The following ZNF75A variants were observed in gnomAD, a reference collection of about 807,000 sequenced individuals.
ZNF75A encodes the protein zinc finger protein 75A.
In ZNF75A, 36 loss-of-function variants were observed where a neutral mutation model predicts 46.3. The observed-to-expected ratio is 0.78, with a 90% CI of 0.60 to 1.03. The LOEUF is 1.03. Among genes scored for constraint, ZNF75A ranks in the 50% least tolerant of loss-of-function variants. ZNF75A has a pLI of 0.00. For synonymous variants in ZNF75A, 234 were observed against 189.9 expected (o/e 1.23, Z -1.91); for missense variants, 595 against 551.3 (o/e 1.08, Z -0.79).
In ZNF75A at chr16:3,317,000, T is replaced by G; in HGVS notation, c.912T>G (p.Asp304Glu). Residue 304 changes from aspartate (D) to glutamate (E), a missense_variant, in exon 6 of 7, where the codon GAT becomes GAG. Physicochemically the swap from Asp to Glu is conservative, Grantham distance 45. Transcript: ENST00000669516. ...PWVQVSPEFK[D>E]SAGKSPTGLK... ...TTCAAGTATCCCCGGAGTTTAAGGA[T>G]AGTGCCGGAAAATCTCCTACAGGTA... 6.2e-7 allele frequency: 1 copy of G among 1,613,984 alleles called. No homozygotes were observed. Among genetic ancestry groups the G allele is most frequent in the Non-Finnish European group, 8.5e-7 (1 of 1,179,942 alleles).
intron 2 of ZNF75A, among the ~76,000 whole-genome samples, chr16:3,310,095 TA>T (rs1011926721): frequency 2.6e-4 from 38 of 146,396 alleles, no homozygotes; most frequent in Admixed American, 2.0e-4. Context: ...CCTTGTCTCT[TA>T]AAAAAAAAAA....
At chr16:3,307,460 C>T (rs1208973909) in intron 1 of ZNF75A, 3 of 152,186 alleles carry the variant, frequency 2.0e-5, no homozygotes, top group African/African-American at 4.8e-5. Flanking sequence ...CGTCTCAGCT[C>T]TTTTGCCAGT....
downstream of ZNF75A, among the ~76,000 whole-genome samples, chr16:3,320,939 G>A (rs1431512871): frequency 2.0e-5 from 3 of 152,194 alleles, no homozygotes; most frequent in East Asian, 3.9e-4. Flanking sequence ...GAGCAAGACA[G>A]TTCCACCTGT....
In ZNF75A at chr16:3,308,674, C is replaced by A. The variant is rs1268560914; in HGVS notation, c.246C>A (p.His82Gln). 2.0e-5 allele frequency: 20 copies of A among 990,516 alleles called. No individual in the cohort carries two copies. In the African/African-American group the frequency reaches 3.5e-4, roughly 17 times the overall value. The allele number at this position is 990,516 out of a possible 1,614,324, so 61.4% of individuals were successfully genotyped here. A position where few individuals can be genotyped will look rare whatever the true frequency, so the allele number is the denominator to read the frequency against. The change falls in exon 2 of 7, where the codon CAC (histidine) becomes CAA (glutamine). Residue 82 changes from histidine to glutamine, a missense_variant. Transcript: ENST00000669516. ...LCHLWLKPEI[H>Q]SKEQILELLV... ...ATCTATGGCTGAAGCCAGAGATCCA[C>A]TCAAAAGAGCAGATACTGGAACTGC...
downstream of ZNF75A, among the ~76,000 whole-genome samples, chr16:3,319,795 T>A (rs1254608906): frequency 1.4e-4 from 17 of 117,336 alleles, no homozygotes; most frequent in African/African-American, 4.5e-4. Context: ...TTTTTTTTTT[T>A]TATTTTTTTT....
intron 2 of ZNF75A, among the ~76,000 whole-genome samples, chr16:3,311,200 G>A (rs184174751): frequency 9.0e-4 from 135 of 150,452 alleles, no homozygotes; most frequent in African/African-American, 3.4e-3. Context: ...CACTTTGGGA[G>A]GCTGAGGTGG....
At chr16:3,318,908 G>A, downstream of ZNF75A, 7 of 895,796 alleles carry the variant, frequency 7.8e-6, no homozygotes, top group Non-Finnish European at 9.4e-6. Context: ...GTCCTGTCCT[G>A]TAAGCTCTAC....
intron 2 of ZNF75A, 45 bp from the exon 3 acceptor site, chr16:3,311,708 A>G (rs1027115026): frequency 1.8e-5 from 18 of 1,018,802 alleles, no homozygotes; most frequent in Non-Finnish European, 2.1e-5. Flanking sequence ...ACCCCCACAA[A>G]CCAAAAGTAA....
downstream of ZNF75A, chr16:3,322,919 G>C: frequency 2.0e-6 from 2 of 985,332 alleles, no homozygotes; most frequent in South Asian, 9.4e-5. Context: ...CCCTAGGATA[G>C]AAGATTCAAC....
chr16:3,311,267 G>A (rs1960763274), intron 2 of ZNF75A, among the ~76,000 whole-genome samples: 3 of 151,864 alleles, frequency 2.0e-5, no homozygotes, highest in South Asian at 2.1e-4. Flanking sequence ...AAGAAACCCC[G>A]TCTCTACTAA....
downstream of ZNF75A, among the ~76,000 whole-genome samples, chr16:3,322,101 T>TA (rs34184176): frequency 0.05 from 7,587 of 152,230 alleles, 288 homozygotes; most frequent in South Asian, 0.17. Flanking sequence ...AGTGCATAAA[T>TA]ACTTGCTGAA....
At position 3,318,643 on chromosome 16, in the gene ZNF75A, G is replaced by A. The variant is rs894331706; in HGVS notation, c.*774G>A. The A allele has an allele frequency of 1.0e-6, 1 of 985,346 alleles. No homozygotes were observed. Among genetic ancestry groups the A allele is most frequent in the Admixed American group, 6.1e-5 (1 of 16,264 alleles). 61.0% of individuals were successfully genotyped at this position (985,346 alleles called of 1,614,324 possible). The stretch of plus-strand genomic sequence containing the variant: ...ATTAGTACTTGCCCAAGGCCTGAAA[G>A]AGAATTAGTGGGAATTAAGATCAAC... On this transcript the variant is annotated 3_prime_UTR_variant, in exon 7 of 7. Coordinates refer to ENST00000669516, the MANE Select transcript of ZNF75A (RefSeq NM_001302109.2).
chr16:3,317,270 A>C lies in ZNF75A; in HGVS notation c.1015A>C (p.Ile339Leu), dbSNP rs1323553557. The C allele has an allele frequency of 1.2e-6, 2 of 1,614,120 alleles. No homozygotes were observed. Among genetic ancestry groups the C allele is most frequent in the Non-Finnish European group, 1.7e-6 (2 of 1,180,030 alleles). Residue 339 changes from isoleucine to leucine, a missense_variant, in exon 7 of 7, where the codon ATA becomes CTA. Physicochemically the swap from Ile to Leu is conservative, Grantham distance 5 (BLOSUM62 2). Coordinates refer to ENST00000669516, the MANE Select transcript of ZNF75A (RefSeq NM_001302109.2). Reference sequence around the variant, plus strand: ...AGAAATACAAGCATCAGCAGGCGTCATATCAAAAAAGGCCAAAGTAAAAGT... The same window carrying C: ...AGAAATACAAGCATCAGCAGGCGTCCTATCAAAAAAGGCCAAAGTAAAAGT... ...DLEIQASAGV[I>L]SKKAKVKVPQ...
intron 2 of ZNF75A, chr16:3,310,791 GTC>G (rs752270986): frequency 1.1e-5 from 11 of 985,318 alleles, no homozygotes; most frequent in Non-Finnish European, 1.2e-5. Context: ...GTAGATGAAA[GTC>G]TCTACTGCCT....
intron 1 of ZNF75A, chr16:3,307,042 C>T (rs886605376): frequency 6.6e-6 from 1 of 151,750 alleles, no homozygotes; most frequent in East Asian, 1.9e-4. Context: ...GCCTTCACCT[C>T]CCGGGTTCAA....
intron 1 of ZNF75A, chr16:3,305,915 A>G (rs890378597): frequency 3.9e-5 from 6 of 152,230 alleles, no homozygotes; most frequent in African/African-American, 1.2e-4. Flanking sequence ...GGCTGTGGCG[A>G]ATCCGAGTGC....
downstream of ZNF75A, among the ~76,000 whole-genome samples, chr16:3,319,122 AT>A (rs934447918): frequency 6.6e-6 from 1 of 151,630 alleles, no homozygotes; most frequent in African/African-American, 2.4e-5. Context: ...CTCTTATTTT[AT>A]TTTTTTTGAG....
chr16:3,319,153 A>G (rs1961427759), downstream of ZNF75A, among the ~76,000 whole-genome samples: 1 of 151,974 alleles, frequency 6.6e-6, no homozygotes, highest in East Asian at 1.9e-4. Flanking sequence ...CGCTCTTGTC[A>G]CTCAGGCTGG....
rs1288977647 is a variant in ZNF75A, at chr16:3,308,822, C to G, written c.394C>G (p.Gln132Glu). 4 of 985,684 alleles carry G rather than the reference C, an allele frequency of 4.1e-6. No homozygotes were observed. Among genetic ancestry groups the G allele is most frequent in the African/African-American group, 3.5e-5 (2 of 57,174 alleles). 61.1% of individuals were successfully genotyped at this position (985,684 alleles called of 1,614,324 possible). A position where few individuals can be genotyped will look rare whatever the true frequency, so the allele number is the denominator to read the frequency against. The change falls in exon 2 of 7, where the codon CAA becomes GAA. Residue 132 changes from glutamine to glutamate, a missense_variant. Physicochemically the swap from Gln to Glu is conservative, Grantham distance 29. Coordinates refer to ENST00000669516, the MANE Select transcript of ZNF75A (RefSeq NM_001302109.2). ...AGAACACTTGCAGAGGGAATCTGGT[C>G]AAACATGGAATGGGGTGAGAAGAAA... ...LVEHLQRESG[Q>E]TWNGVAVHEL...
Sources: allele counts gnomAD v4.1 joint callset (sites outside exome capture counted in the v4.1 genomes callset), GRCh38; gene constraint gnomAD v4.1.1; transcripts MANE v1.5; gene names NCBI Gene and HGNC (gene_info 2026-07-23, HGNC 2026-07-21).